Variants in PUF60 observed in about 807,000 individuals in gnomAD.
PUF60 encodes the protein poly(U) binding splicing factor 60.
Under a neutral mutation model 61.8 loss-of-function variants are expected in PUF60, and 10 were observed. The observed-to-expected ratio is 0.16, with a 90% CI of 0.10 to 0.27. PUF60 has a LOEUF of 0.27. Ranked by LOEUF, PUF60 falls within the 10% of genes least tolerant of loss-of-function variation. The pLI, the probability that PUF60 is intolerant of heterozygous loss-of-function variation, is 1.00. For missense variants in PUF60, 371 were observed against 754.0 expected (o/e 0.49, Z 5.95); for synonymous variants, 353 against 300.9 (o/e 1.17, Z -1.79).
At position 143,818,336 on chromosome 8, in the gene PUF60, G is replaced by C. The variant is rs751090458; in HGVS notation, c.510+37C>G. 1.9e-6 allele frequency: 3 copies of C among 1,609,090 alleles called. No individual in the cohort carries two copies. The highest frequency in any genetic ancestry group is 2.2e-5 in the South Asian group (2 of 90,870). On this transcript the variant is annotated intron_variant, in intron 6 of 11. Coordinates refer to ENST00000526683, the MANE Select transcript of PUF60 (RefSeq NM_078480.3). This position sits in a 1 kb window ranked among gnomAD's most constrained non-coding sequence, Gnocchi z 7.9. ...GCTGCGCGAGCCCAGGGGTGGGGGC[G>C]AGCCCGAAGTGGCCGGGGCGGACCA...
intron 1 of PUF60, chr8:143,824,781 T>C (rs1223473395): frequency 6.9e-6 from 2 of 289,672 alleles, no homozygotes; most frequent in South Asian, 3.9e-5. Flanking sequence ...GGTGCCTTCC[T>C]GGCAACCTGT....
Position 143,818,120 on chromosome 8 carries a change from C to T in PUF60, c.604-45G>A, listed in dbSNP as rs145003358. On this transcript the variant is annotated intron_variant, in intron 7 of 11. Transcript: ENST00000526683. This position sits in a 1 kb window ranked among gnomAD's most constrained non-coding sequence, Gnocchi z 7.9. ...ATGGAAAGACCGGTCAACCCAGGCCCGGCCACAAAAGGCTTCCGTGGAGGG... is the reference window on the plus strand; with the variant it reads ...ATGGAAAGACCGGTCAACCCAGGCCTGGCCACAAAAGGCTTCCGTGGAGGG... The T allele has an allele frequency of 1.4e-4, 222 of 1,603,846 alleles. No homozygotes were observed. In the African/African-American group the frequency reaches 2.8e-3, roughly 20 times the overall value.
chr8:143,824,734 CG>C (rs2130390099), intron 1 of PUF60: 1 of 368,628 alleles, frequency 2.7e-6, no homozygotes, highest in Non-Finnish European at 5.1e-6. Context: ...CCAAAGGAAC[CG>C]GCTGGGTGTC....
Position 143,816,399 on chromosome 8 carries a change from C to A in PUF60, c.*121G>T. 8.6e-7 allele frequency: 1 copy of A among 1,168,828 alleles called. No homozygotes were observed. The allele number at this position is 1,168,828 out of a possible 1,614,324, so 72.4% of individuals were successfully genotyped here. On this transcript the variant is annotated 3_prime_UTR_variant, in exon 12 of 12. Transcript: ENST00000526683. ...ACGTTCAGGGCCAGCAGCATCCGCA[C>A]CTTTATCCGCACTGTAGGCTGGGCT...
chr8:143,824,501 G>T, intron 1 of PUF60, 102 bp from the exon 2 acceptor site: 1 of 1,263,390 alleles, frequency 7.9e-7, no homozygotes. Flanking sequence ...GGATAAGCAA[G>T]GGAGGCCAGG....
Position 143,816,486 on chromosome 8 carries a change from G to C in PUF60, c.*34C>G. The C allele has an allele frequency of 6.3e-7, 1 of 1,576,954 alleles. No homozygotes were observed. ...TCACTATAAAACCCAGAGGAAACAAGGAACAAGTGCAAGTCCGGGGAGAGG... is the reference window on the plus strand; with the variant it reads ...TCACTATAAAACCCAGAGGAAACAACGAACAAGTGCAAGTCCGGGGAGAGG... On this transcript the variant is annotated 3_prime_UTR_variant, in exon 12 of 12. Transcript: ENST00000526683.
At position 143,818,626 on chromosome 8, in the gene PUF60, C is replaced by T. The variant is rs1179979093; in HGVS notation, c.349-92G>A. Reference sequence around the variant, plus strand: ...TCCCCTCCTGGCCCACCCACCCAGCCCTGCTGTGGGGAGGGCTCCCCACAT... The same window carrying T: ...TCCCCTCCTGGCCCACCCACCCAGCTCTGCTGTGGGGAGGGCTCCCCACAT... On this transcript the variant is annotated intron_variant, in intron 5 of 11. Coordinates refer to ENST00000526683, the MANE Select transcript of PUF60 (RefSeq NM_078480.3). This position sits in a 1 kb window ranked among gnomAD's most constrained non-coding sequence, Gnocchi z 7.9. The T allele has an allele frequency of 2.2e-6, 3 of 1,378,204 alleles. No individual in the cohort carries two copies. The highest frequency in any genetic ancestry group is 2.3e-5 in the Admixed American group (1 of 42,938). 85.4% of individuals were successfully genotyped at this position (1,378,204 alleles called of 1,614,324 possible).
At chr8:143,824,209 C>A (rs1168623742) in intron 2 of PUF60, 104 bp downstream of exon 2, 8 of 1,236,686 alleles carry the variant, frequency 6.5e-6, no homozygotes, top group Non-Finnish European at 7.9e-6. Flanking sequence ...TTCCTCCCGC[C>A]CCGCCCCCAG....
Position 143,816,865 on chromosome 8 carries a change from G to A in PUF60, c.1380+45C>T, listed in dbSNP as rs200076071. ...GAAGACAGCTGAGCACTGCGGCCCC[G>A]CCCCCCTACCCTCTCCCCCGCCACC... On this transcript the variant is annotated intron_variant, in intron 11 of 11. Coordinates refer to ENST00000526683, the MANE Select transcript of PUF60 (RefSeq NM_078480.3). The A allele has an allele frequency of 8.2e-4, 1,061 of 1,298,066 alleles. 3 individuals are homozygous for A. In the Middle Eastern group the frequency reaches 0.014, roughly 17 times the overall value. The allele number at this position is 1,298,066 out of a possible 1,614,324, so 80.4% of individuals were successfully genotyped here.
At position 143,817,839 on chromosome 8, in the gene PUF60, C is replaced by G. The variant is rs1413345633; in HGVS notation, c.817+23G>C. 1 of 1,609,126 alleles carries G rather than the reference C, an allele frequency of 6.2e-7. No homozygotes were observed. Among genetic ancestry groups the G allele is most frequent in the East Asian group, 2.2e-5 (1 of 44,756 alleles). On this transcript the variant is annotated intron_variant, in intron 8 of 11. Transcript: ENST00000526683. The surrounding 1 kb of genome is among the most constrained non-coding windows in gnomAD (Gnocchi z 7.4). ...GCCCCAGCCTCAGGTGGCCCCCATC[C>G]CGCCTCAGCCACCCCAGCTCACCAA...
At position 143,821,887 on chromosome 8, in the gene PUF60, G is replaced by A. The variant is rs746659984; in HGVS notation, c.138C>T (p.Asn46=). Residue 46 remains asparagine (N), a synonymous_variant, in exon 3 of 12, where the codon AAC becomes AAT. Coordinates refer to ENST00000526683, the MANE Select transcript of PUF60 (RefSeq NM_078480.3). The part of the protein sequence containing the change: ...PQGTDSIKME[N]GQSTAAKLGL... ...CCAGCTTGGCGGCTGTGCTCTGCCC[G>A]TTCTCCATCTTGATGGAGTCTGTGC... 21 of 1,607,110 alleles carry A rather than the reference G, an allele frequency of 1.3e-5. No individual in the cohort carries two copies. Among genetic ancestry groups the A allele is most frequent in the South Asian group, 5.5e-5 (5 of 90,268 alleles).
At position 143,817,297 on chromosome 8, in the gene PUF60, G is replaced by A; in HGVS notation, c.1144+34C>T. 6.4e-7 allele frequency: 1 copy of A among 1,571,626 alleles called. No homozygotes were observed. The highest frequency in any genetic ancestry group is 8.6e-7 in the Non-Finnish European group (1 of 1,162,342). Reference sequence around the variant, plus strand: ...AGCGAGCCGAGAGATGCCAGGACAGGAGAGGAGAGGATCTGGTACCACTTA... The same window carrying A: ...AGCGAGCCGAGAGATGCCAGGACAGAAGAGGAGAGGATCTGGTACCACTTA... On this transcript the variant is annotated intron_variant, in intron 10 of 11. Transcript: ENST00000526683. This position sits in a 1 kb window ranked among gnomAD's most constrained non-coding sequence, Gnocchi z 7.4.
chr8:143,826,890 TG>T, intron 1 of PUF60: 1 of 156,538 alleles, frequency 6.4e-6, no homozygotes, highest in Non-Finnish European at 1.4e-5. Context: ...TCCCTGCACA[TG>T]GAAAGCAGCA....
Position 143,817,248 on chromosome 8 carries a change from C to T in PUF60, c.1144+83G>A, listed in dbSNP as rs1816444646. The T allele has an allele frequency of 1.3e-6, 2 of 1,528,362 alleles. No individual in the cohort carries two copies. Among genetic ancestry groups the T allele is most frequent in the Non-Finnish European group, 1.8e-6 (2 of 1,139,336 alleles). The allele number at this position is 1,528,362 out of a possible 1,614,324, so 94.7% of individuals were successfully genotyped here. A position where few individuals can be genotyped will look rare whatever the true frequency, so the allele number is the denominator to read the frequency against. ...TGGGCTCAGAGGGTTGTGCCCAGAC[C>T]ACCAGGGCCAGGCAGCTGAGGGCAG... On this transcript the variant is annotated intron_variant, in intron 10 of 11. Transcript: ENST00000526683. This position sits in a 1 kb window ranked among gnomAD's most constrained non-coding sequence, Gnocchi z 7.4.
chr8:143,824,289 G>C, intron 2 of PUF60, 24 bp downstream of exon 2: 1 of 1,580,460 alleles, frequency 6.3e-7, no homozygotes, highest in Non-Finnish European at 8.6e-7. Context: ...CGGGCCTGAG[G>C]GAGAGGATGC....
At chr8:143,820,997 A>T (rs988099961) in intron 4 of PUF60, among the ~76,000 whole-genome samples, 1 of 151,980 alleles carries the variant, frequency 6.6e-6, no homozygotes, top group Non-Finnish European at 1.5e-5. Context: ...TGGCCAGGAC[A>T]TCTCCTGGTA....
chr8:143,825,172 G>T (rs1171332148), intron 1 of PUF60: 1 of 152,344 alleles, frequency 6.6e-6, no homozygotes, highest in Non-Finnish European at 1.5e-5. Context: ...ACAACGAGAA[G>T]CAAGGCAGCA....
In PUF60 at chr8:143,818,841, C is replaced by T. The variant is rs1029484076; in HGVS notation, c.349-307G>A. On this transcript the variant is annotated intron_variant, in intron 5 of 11. Coordinates refer to ENST00000526683, the MANE Select transcript of PUF60 (RefSeq NM_078480.3). This position sits in a 1 kb window ranked among gnomAD's most constrained non-coding sequence, Gnocchi z 7.9. Reference sequence around the variant, plus strand: ...GGGCTGTGCGCCCTCCCACCCAGACCACCCCTCCAGTCTGGGGGCTGGGTA... The same window carrying T: ...GGGCTGTGCGCCCTCCCACCCAGACTACCCCTCCAGTCTGGGGGCTGGGTA... 3.9e-5 allele frequency: 16 copies of T among 406,394 alleles called. No homozygotes were observed. The highest frequency in any genetic ancestry group is 6.6e-5 in the Non-Finnish European group (15 of 226,632). 25.2% of individuals were successfully genotyped at this position (406,394 alleles called of 1,614,324 possible). A position where few individuals can be genotyped will look rare whatever the true frequency, so the allele number is the denominator to read the frequency against.
chr8:143,829,140 G>A, intron 1 of PUF60, 140 bp downstream of exon 1: 4 of 1,199,296 alleles, frequency 3.3e-6, no homozygotes, highest in Non-Finnish European at 4.1e-6. Context: ...CCCGCCTCAC[G>A]CGACCCGGGG....
Sources: gnomAD v4.1 joint callset for allele counts (sites outside exome capture counted in the v4.1 genomes callset) on GRCh38, gnomAD v4.1.1 for gene constraint, Gnocchi (gnomAD v3.1) non-coding constraint, MANE v1.5 for transcripts, NCBI Gene and HGNC (gene_info 2026-07-23, HGNC 2026-07-21) for gene names.